Variants in KCNT2 observed in about 807,000 individuals in gnomAD.
KCNT2 encodes the protein potassium channel subfamily T member 2.
KCNT2 carries 67 observed loss-of-function variants against 153.8 expected under a neutral mutation model. The observed-to-expected ratio is 0.44, with a 90% CI of 0.36 to 0.53. KCNT2 has a LOEUF of 0.53. KCNT2 is among the 20% of genes least tolerant of loss of function. The probability of loss-of-function intolerance (pLI) is 0.00; values close to 1 mark genes in which losing one functional copy is unlikely to be tolerated. For synonymous variants in KCNT2, 500 were observed against 458.8 expected, an observed-to-expected ratio of 1.09 and a Z score of -1.15; for missense variants, 975 against 1,354.8, an observed-to-expected ratio of 0.72 and a Z score of 4.40.
intron 22 of KCNT2, among the ~76,000 whole-genome samples, chr1:196,287,545 TAC>T (rs1314167099): frequency 2.0e-5 from 3 of 152,142 alleles, no homozygotes; most frequent in Admixed American, 1.3e-4. Flanking sequence ...TTTTTTAACC[TAC>T]AGTGCTTATT....
chr1:196,523,862 T>G (rs1398858401), intron 1 of KCNT2, among the ~76,000 whole-genome samples: 1 of 152,208 alleles, frequency 6.6e-6, no homozygotes, highest in Non-Finnish European at 1.5e-5. Context: ...AACTTTTTCC[T>G]TACCTACTTT....
chr1:196,478,188 ATAAT>A (rs1386155443), intron 5 of KCNT2, among the ~76,000 whole-genome samples: 2 of 152,166 alleles, frequency 1.3e-5, no homozygotes, highest in African/African-American at 2.4e-5. Context: ...TTCTACCTTC[ATAAT>A]TAATCTTTCA....
Position 196,363,794 on chromosome 1 carries a change from G to A in KCNT2, c.1403+9346C>T, listed in dbSNP as rs866611712. Among the ~76,000 whole-genome samples the A allele has an allele frequency of 9.2e-5, 14 of 152,060 alleles. 1 individual carries two copies. Among genetic ancestry groups the A allele is most frequent in the Non-Finnish European group, 1.5e-4 (10 of 68,022 alleles). ...ATTACTCAGTCTCAGGTATTCTGTC[G>A]TAGCAACACAAATTTACTAAGACAT... On this transcript the variant is annotated intron_variant, in intron 14 of 27. Transcript: ENST00000294725.
intron 12 of KCNT2, among the ~76,000 whole-genome samples, chr1:196,408,192 T>C (rs1041325899): frequency 1.3e-5 from 2 of 151,498 alleles, no homozygotes; most frequent in Admixed American, 6.6e-5. Flanking sequence ...GCCACAAACA[T>C]ACCTTCTATA....
At chr1:196,505,093 A>G (rs1383008824) in intron 1 of KCNT2, among the ~76,000 whole-genome samples, 1 of 151,954 alleles carries the variant, frequency 6.6e-6, no homozygotes, top group Non-Finnish European at 1.5e-5. Flanking sequence ...GGTTAATTAG[A>G]TCCCATTTGT....
chr1:196,488,080 A>G (rs1679573921), intron 3 of KCNT2, among the ~76,000 whole-genome samples: 1 of 152,010 alleles, frequency 6.6e-6, no homozygotes, highest in South Asian at 2.1e-4. Flanking sequence ...CCATTCACAC[A>G]TGGTATATTA....
At chr1:196,600,444 G>A (rs570113443) in intron 1 of KCNT2, among the ~76,000 whole-genome samples, 3 of 152,174 alleles carry the variant, frequency 2.0e-5, no homozygotes, top group Non-Finnish European at 4.4e-5. Context: ...TTTATTACAT[G>A]AGCGTTTAAT....
intron 8 of KCNT2, among the ~76,000 whole-genome samples, chr1:196,433,178 T>C (rs760477104): frequency 2.6e-5 from 4 of 152,116 alleles, no homozygotes; most frequent in Non-Finnish European, 5.9e-5. Context: ...CATCTTGATC[T>C]TGGCCTTCAC....
chr1:196,338,285 T>C (rs568262107), intron 16 of KCNT2, among the ~76,000 whole-genome samples: 2 of 151,980 alleles, frequency 1.3e-5, no homozygotes, highest in African/African-American at 4.8e-5. Flanking sequence ...TAGTGAAGAT[T>C]GAAAGAAAGT....
At chr1:196,269,762 C>T (rs1657896933) in intron 25 of KCNT2, among the ~76,000 whole-genome samples, 2 of 151,950 alleles carry the variant, frequency 1.3e-5, no homozygotes, top group African/African-American at 4.8e-5. Context: ...ATGCTTATGG[C>T]GGAAGTTTCA....
intron 25 of KCNT2, among the ~76,000 whole-genome samples, chr1:196,278,360 A>AT (rs1444926153): frequency 6.6e-6 from 1 of 152,190 alleles, no homozygotes; most frequent in Non-Finnish European, 1.5e-5. Context: ...GGCAGAATTT[A>AT]ATTTAATAAC....
chr1:196,253,982 C>T (rs1023436405), intron 26 of KCNT2, among the ~76,000 whole-genome samples: 22 of 151,218 alleles, frequency 1.5e-4, no homozygotes, highest in African/African-American at 5.3e-4. Context: ...AGAAATTATG[C>T]AAAATATTGG....
chr1:196,401,329 A>G (rs558227458), intron 12 of KCNT2, among the ~76,000 whole-genome samples: 22 of 151,922 alleles, frequency 1.4e-4, no homozygotes, highest in Non-Finnish European at 7.4e-5. Flanking sequence ...TTTCCAGAAA[A>G]ATGTGACTTA....
chr1:196,237,262 A>G (rs979409025), intron 26 of KCNT2, among the ~76,000 whole-genome samples: 4 of 151,778 alleles, frequency 2.6e-5, no homozygotes, highest in Non-Finnish European at 5.9e-5. Context: ...TGTCACTTTA[A>G]TATGAAAGAC....
chr1:196,255,195 C>T (rs1025427900), intron 26 of KCNT2, among the ~76,000 whole-genome samples: 2 of 151,630 alleles, frequency 1.3e-5, no homozygotes, highest in Admixed American at 6.6e-5. Flanking sequence ...AAATTATTCA[C>T]ATTTGCAATA....
intron 1 of KCNT2, among the ~76,000 whole-genome samples, chr1:196,552,271 C>T (rs1300186192): frequency 6.6e-6 from 1 of 151,420 alleles, no homozygotes; most frequent in Non-Finnish European, 1.5e-5. Context: ...TGTGCCCATA[C>T]CTACATTATT....
intron 1 of KCNT2, among the ~76,000 whole-genome samples, chr1:196,550,560 A>T (rs145851610): frequency 0.011 from 1,712 of 152,026 alleles, 24 homozygotes; most frequent in South Asian, 0.063. Flanking sequence ...TCTTATGTTA[A>T]CATACAGGAA....
In KCNT2 at chr1:196,326,875, G is replaced by C; in HGVS notation, c.2118C>G (p.Asn706Lys). The C allele has an allele frequency of 6.4e-7, 1 of 1,566,624 alleles. No homozygotes were observed. The highest frequency in any genetic ancestry group is 8.6e-7 in the Non-Finnish European group (1 of 1,163,002). The change falls in exon 19 of 28, where the codon AAC (asparagine) becomes AAG (lysine). Residue 706 changes from asparagine (N) to lysine (K), a missense_variant. Asn to Lys is a moderately conservative substitution (Grantham distance 94). Transcript: ENST00000294725. ...CATAGGCTTTTGCATCCTCATAGTAGTTATGTTGGCAACTCTAGAGAAGAG... is the reference window on the plus strand; with the variant it reads ...CATAGGCTTTTGCATCCTCATAGTACTTATGTTGGCAACTCTAGAGAAGAG... ...CLRLDKSCQH[N>K]YYEDAKAYGF...
At chr1:196,282,418 T>C in intron 23 of KCNT2, 62 bp from the exon 24 acceptor site, 3 of 792,274 alleles carry the variant, frequency 3.8e-6, no homozygotes, top group South Asian at 1.7e-5. Flanking sequence ...GTATGAGATG[T>C]GTAGAACAGC....
Sources: gnomAD v4.1 joint callset for allele counts (sites outside exome capture counted in the v4.1 genomes callset) on GRCh38, gnomAD v4.1.1 for gene constraint, MANE v1.5 for transcripts, NCBI Gene and HGNC (gene_info 2026-07-23, HGNC 2026-07-21) for gene names.